SLC7A7: variants seen among roughly 807,000 people sequenced by gnomAD.
SLC7A7 encodes solute carrier family 7 member 7.
In SLC7A7, 39 loss-of-function variants were observed where a neutral mutation model predicts 47.9. That is an observed-to-expected ratio of 0.81 (90% CI 0.63 to 1.06). The LOEUF (loss-of-function observed/expected upper bound fraction) is 1.06. Ranked by LOEUF, SLC7A7 falls within the 50% of genes least tolerant of loss-of-function variation. SLC7A7 has a pLI of 0.00. For synonymous variants in SLC7A7, 234 were observed against 242.8 expected (o/e 0.96, Z 0.34); for missense variants, 588 against 632.0 (o/e 0.93, Z 0.75).
chr14:22,791,630 A>G (rs1441634208), intron 2 of SLC7A7, among the ~76,000 whole-genome samples: 1 of 152,038 alleles, frequency 6.6e-6, no homozygotes, highest in African/African-American at 2.4e-5. Context: ...AAACCCCACA[A>G]CTGGCATACT....
chr14:22,778,713 G>T, intron 4 of SLC7A7, 80 bp downstream of exon 4: 1 of 1,474,758 alleles, frequency 6.8e-7, no homozygotes, highest in South Asian at 1.2e-5. Flanking sequence ...TAGTGGTTGT[G>T]GTATGCTGTC....
At chr14:22,799,448 C>CTTTTTTTTTTTTTTT (rs56375225) in intron 2 of SLC7A7, among the ~76,000 whole-genome samples, 7 of 76,180 alleles carry the variant, frequency 9.2e-5, no homozygotes, top group South Asian at 6.1e-4. Flanking sequence ...TTTTTTCTTT[C>CTTTTTTTTTTTTTTT]TTTTTTTTTT....
At chr14:22,788,469 C>G (rs546812757) in intron 2 of SLC7A7, among the ~76,000 whole-genome samples, 96 of 152,206 alleles carry the variant, frequency 6.3e-4, no homozygotes, top group Non-Finnish European at 1.1e-3. Context: ...CGTTGGGAGG[C>G]CAAGGCGGGC....
In SLC7A7 at chr14:22,775,540, C is replaced by T. The variant is rs146720775; in HGVS notation, c.999G>A (p.Arg333=). ...CTTCTCTTGAGCCCACAAAGAAAAG[C>T]CTATGTTAGGTAAGATAGGAGAAGC... ...GLNASIVAAS[R]LFFVGSREGH... Residue 333 remains arginine (R), a splice_region_variant and synonymous_variant, in exon 7 of 10, where the codon AGG becomes AGA. Transcript: ENST00000674313. 941 of 1,613,848 alleles carry T rather than the reference C, an allele frequency of 5.8e-4. No homozygotes were observed. Among genetic ancestry groups the T allele is most frequent in the Non-Finnish European group, 7.3e-4 (858 of 1,179,886 alleles).
At chr14:22,798,561 A>G (rs2039057031) in intron 2 of SLC7A7, among the ~76,000 whole-genome samples, 1 of 152,348 alleles carries the variant, frequency 6.6e-6, no homozygotes, top group East Asian at 1.9e-4. Context: ...CAACTTTTCC[A>G]GAAACATACC....
intron 2 of SLC7A7, among the ~76,000 whole-genome samples, chr14:22,786,325 C>CAAAG (rs35501308): frequency 6.6e-6 from 1 of 151,502 alleles, no homozygotes; most frequent in Non-Finnish European, 1.5e-5. Flanking sequence ...TAAAAACAAA[C>CAAAG]AAAAAGGATG....
In SLC7A7 at chr14:22,780,005, C is replaced by CA. The variant is rs386833818; in HGVS notation, c.545dup (p.Val183GlyfsTer9). 14 of 1,614,058 alleles carry CA rather than the reference C, an allele frequency of 8.7e-6. No individual in the cohort carries two copies. The highest frequency in any genetic ancestry group is 1.2e-5 in the Non-Finnish European group (14 of 1,179,992). On this transcript the variant is annotated frameshift_variant, in exon 3 of 10. Transcript: ENST00000674313. LOFTEE classifies it high-confidence loss of function. ...TAGCATAGGTGAAAATATCTTGTAC[C>CA]AGGGTTCCCCATTTGACATAGGCAC...
rs540546621 is a variant in SLC7A7 at position 22,788,668 on chromosome 14, C to G, written c.500-8617G>C. On this transcript the variant is annotated intron_variant, in intron 2 of 9. Coordinates refer to ENST00000674313, the MANE Select transcript of SLC7A7 (RefSeq NM_003982.4). ...GCAGTGAGCCAAGATCCTACCACTG[C>G]ACTCCAGCCCGGGCGACAGAGTGAG... 1.1e-4 allele frequency among the ~76,000 whole-genome samples: 16 copies of G among 149,618 alleles called. No homozygotes were observed. The South Asian group carries it at 3.4e-3, about 32-fold the overall frequency.
chr14:22,798,267 A>G (rs1045972455), intron 2 of SLC7A7, among the ~76,000 whole-genome samples: 1 of 152,128 alleles, frequency 6.6e-6, no homozygotes, highest in Non-Finnish European at 1.5e-5. Context: ...ACTGCACTCC[A>G]GACTGGGCAA....
At position 22,806,461 on chromosome 14, in the gene SLC7A7, A is replaced by T. The variant is rs534759310; in HGVS notation, c.499+6439T>A. Reference sequence around the variant, plus strand: ...TGGGAAAATGACCCAAATCTGTGTCATGACACCCAAAGAAGGCGCTGCTCA... The same window carrying T: ...TGGGAAAATGACCCAAATCTGTGTCTTGACACCCAAAGAAGGCGCTGCTCA... On this transcript the variant is annotated intron_variant, in intron 2 of 9. Coordinates refer to ENST00000674313, the MANE Select transcript of SLC7A7 (RefSeq NM_003982.4). 1.2e-4 allele frequency among the ~76,000 whole-genome samples: 18 copies of T among 151,944 alleles called. No individual in the cohort carries two copies. In the East Asian group the frequency reaches 2.9e-3, roughly 25 times the overall value.
chr14:22,782,726 T>C (rs959394120), intron 2 of SLC7A7, among the ~76,000 whole-genome samples: 8 of 151,144 alleles, frequency 5.3e-5, no homozygotes, highest in African/African-American at 1.9e-4. Flanking sequence ...CCTCCCAAAA[T>C]GCTGAGATTA....
intron 2 of SLC7A7, among the ~76,000 whole-genome samples, chr14:22,787,611 C>T (rs904167507): frequency 2.6e-5 from 4 of 151,348 alleles, no homozygotes; most frequent in Non-Finnish European, 4.4e-5. Flanking sequence ...CAAAAATTAG[C>T]AGGGTGTGAT....
intron 2 of SLC7A7, among the ~76,000 whole-genome samples, chr14:22,810,462 C>CAA (rs59569324): frequency 4.2e-5 from 4 of 95,676 alleles, no homozygotes; most frequent in African/African-American, 1.2e-4. Context: ...AACTCCATCT[C>CAA]AAAAAAAAAA....
intron 2 of SLC7A7, among the ~76,000 whole-genome samples, chr14:22,784,826 C>T (rs1010685314): frequency 6.6e-6 from 1 of 152,172 alleles, no homozygotes; most frequent in Non-Finnish European, 1.5e-5. Context: ...GGATCAGATG[C>T]TCAGGTTTAG....
intron 2 of SLC7A7, among the ~76,000 whole-genome samples, chr14:22,811,936 C>G (rs1430701078): frequency 6.6e-6 from 1 of 151,272 alleles, no homozygotes; most frequent in Non-Finnish European, 1.5e-5. Context: ...ATCTGTAAGA[C>G]TGAGAAACTG....
intron 2 of SLC7A7, among the ~76,000 whole-genome samples, chr14:22,807,473 G>A (rs1217307836): frequency 6.6e-6 from 1 of 152,172 alleles, no homozygotes; most frequent in Non-Finnish European, 1.5e-5. Flanking sequence ...TCAGGAGGTA[G>A]GAGGATTACT....
chr14:22,816,970 A>C (rs1194543647), upstream of SLC7A7, among the ~76,000 whole-genome samples: 1 of 151,960 alleles, frequency 6.6e-6, no homozygotes, highest in Non-Finnish European at 1.5e-5. Flanking sequence ...AATAATTGCT[A>C]TCACTTATTG....
intron 4 of SLC7A7, among the ~76,000 whole-genome samples, chr14:22,778,207 G>A (rs1250145362): frequency 6.6e-6 from 1 of 152,192 alleles, no homozygotes; most frequent in Non-Finnish European, 1.5e-5. Context: ...AAGGAAACAG[G>A]CAAAGAGATG....
At chr14:22,800,241 T>G (rs1353949042) in intron 2 of SLC7A7, among the ~76,000 whole-genome samples, 1 of 152,124 alleles carries the variant, frequency 6.6e-6, no homozygotes, top group Non-Finnish European at 1.5e-5. Flanking sequence ...CCTTAAGAGT[T>G]TTCTCATTGC....
Sources: gnomAD v4.1 joint callset for allele counts (sites outside exome capture counted in the v4.1 genomes callset) on GRCh38, gnomAD v4.1.1 for gene constraint, MANE v1.5 for transcripts, NCBI Gene and HGNC (gene_info 2026-07-23, HGNC 2026-07-21) for gene names.